FLT4: variants seen among roughly 807,000 people sequenced by gnomAD.
FLT4 encodes the protein vascular endothelial growth factor receptor 3.
FLT4 carries 30 observed loss-of-function variants against 163.2 expected under a neutral mutation model. That is an observed-to-expected ratio of 0.18 (90% CI 0.14 to 0.25). FLT4 has a LOEUF of 0.25. Ranked by LOEUF, FLT4 falls within the 10% of genes least tolerant of loss-of-function variation. FLT4 has a pLI of 1.00. For missense variants in FLT4, 1,510 were observed against 1,863.8 expected, an observed-to-expected ratio of 0.81 and a Z score of 3.50; for synonymous variants, 884 against 789.5, an observed-to-expected ratio of 1.12 and a Z score of -2.01.
intron 6 of FLT4, 74 bp downstream of exon 6, chr5:180,629,622 G>C (rs750615208): frequency 2.1e-4 from 329 of 1,542,370 alleles, no homozygotes; most frequent in Non-Finnish European, 2.7e-4. Flanking sequence ...TCCTCCACGC[G>C]GAGGCCCAGT....
chr5:180,603,694 G>A (rs1170928606), intron 29 of FLT4, among the ~76,000 whole-genome samples: 2 of 152,192 alleles, frequency 1.3e-5, no homozygotes, highest in Non-Finnish European at 2.9e-5. Context: ...CACGAGGTCA[G>A]GAGATCGAGA....
rs537523765 is a variant in FLT4, at chr5:180,636,371, G to A, written c.59-4593C>T. Among the ~76,000 whole-genome samples, 5 of 152,082 alleles carry A rather than the reference G, an allele frequency of 3.3e-5. No homozygotes were observed. Among genetic ancestry groups the A allele is most frequent in the African/African-American group, 4.8e-5 (2 of 41,404 alleles). On this transcript the variant is annotated intron_variant, in intron 1 of 29. Transcript: ENST00000261937. The surrounding 1 kb of genome is among the most constrained non-coding windows in gnomAD (Gnocchi z 4.3). ...TCTGGCCACGGCACTGGCCCTGGGC[G>A]GTTACTGCCCTCCACCCCACATGCC...
At position 180,628,964 on chromosome 5, in the gene FLT4, G is replaced by C. The variant is rs780574925; in HGVS notation, c.1021C>G (p.Pro341Ala). The change falls in exon 8 of 30, where the codon CCC (proline) becomes GCC (alanine). Residue 341 changes from proline (P) to alanine (A), a missense_variant. Pro to Ala is a conservative substitution (Grantham distance 27). This residue lies in a region of FLT4 where 878 missense variants were observed against 1,016.7 expected (regional missense o/e 0.86). Transcript: ENST00000261937. ...PFISVEWLKG[P>A]ILEATAGDEL... is the part of the protein sequence containing the mutation. ...TCTCCTGCCGTGGCCTCCAGGATGG[G>C]TCCTTTGAGCCACTCGACGCTGATG... 6.2e-7 allele frequency: 1 copy of C among 1,612,730 alleles called. No homozygotes were observed. The highest frequency in any genetic ancestry group is 1.7e-5 in the Admixed American group (1 of 60,016).
At chr5:180,631,383 G>A (rs1342239861) in intron 2 of FLT4, among the ~76,000 whole-genome samples, 1 of 152,124 alleles carries the variant, frequency 6.6e-6, no homozygotes, top group East Asian at 1.9e-4. Context: ...TGAGGCAGGA[G>A]AATGGCGTGA....
Position 180,603,314 on chromosome 5 carries a change from G to C in FLT4, c.3970C>G (p.Arg1324Gly), listed in dbSNP as rs777755208. The C allele has an allele frequency of 6.2e-7, 1 of 1,613,792 alleles. No individual in the cohort carries two copies. The highest frequency in any genetic ancestry group is 1.7e-5 in the Admixed American group (1 of 59,988). The change falls in exon 30 of 30, where the codon CGG (arginine) becomes GGG (glycine). Residue 1324 changes from arginine (R) to glycine (G), a missense_variant. Coordinates refer to ENST00000261937, the MANE Select transcript of FLT4 (RefSeq NM_182925.5). ...DSQGRRRRPE[R>G]GARGGQVFYN... Reference sequence around the variant, plus strand: ...AACACCTGGCCTCCTCGGGCCCCCCGCTCAGGCCGCCGCCGCCTCCCTTGG... The same window carrying C: ...AACACCTGGCCTCCTCGGGCCCCCCCCTCAGGCCGCCGCCGCCTCCCTTGG...
rs1233584876 is a variant in FLT4, at chr5:180,623,196, G to T, written c.1549-357C>A. Among the ~76,000 whole-genome samples the T allele has an allele frequency of 2.0e-5, 3 of 152,160 alleles. No homozygotes were observed. Among genetic ancestry groups the T allele is most frequent in the African/African-American group, 7.2e-5 (3 of 41,442 alleles). ...CAAGCCAGGGTGAGAATTCAGCCTG[G>T]GTCACAGCAAAAGCCAGTCACTTCT... On this transcript the variant is annotated intron_variant, in intron 11 of 29. Transcript: ENST00000261937. The surrounding 1 kb of genome is among the most constrained non-coding windows in gnomAD (Gnocchi z 5.8).
Position 180,621,686 on chromosome 5 carries a change from C to T in FLT4, c.1876G>A (p.Glu626Lys). The change falls in exon 13 of 30, where the codon GAG becomes AAG. Residue 626 changes from glutamate to lysine, a missense_variant. This residue lies in a region of FLT4 where 878 missense variants were observed against 1,016.7 expected (regional missense o/e 0.86). Coordinates refer to ENST00000261937, the MANE Select transcript of FLT4 (RefSeq NM_182925.5). ...FATPLAASLEEVAPGARHATL... is the reference protein window; with the variant it reads ...FATPLAASLEKVAPGARHATL... Reference sequence around the variant, plus strand: ...GCGTGGCGCGCCCCAGGTGCCACCTCCTCCAGGCTGGCGGCCAGAGGGGTG... The same window carrying T: ...GCGTGGCGCGCCCCAGGTGCCACCTTCTCCAGGCTGGCGGCCAGAGGGGTG... 1 of 1,612,284 alleles carries T rather than the reference C, an allele frequency of 6.2e-7. No individual in the cohort carries two copies. The highest frequency in any genetic ancestry group is 1.1e-5 in the South Asian group (1 of 91,046).
rs376733902 is a variant in FLT4 at position 180,630,568 on chromosome 5, G to A, written c.387C>T (p.Tyr129=). Residue 129 remains tyrosine, a synonymous_variant, in exon 3 of 30, where the codon TAC becomes TAT. Transcript: ENST00000261937. This position sits in a 1 kb window ranked among gnomAD's most constrained non-coding sequence, Gnocchi z 6.3. ...TCCAAGTCTCACCTCTCACGAACAC[G>A]TAGGAGCTGGCGGCCGTGGTGCCCT... is the stretch of plus-strand genomic sequence containing the variant. ...RIEGTTAASS[Y]VFVRDFEQPF... 75 of 1,613,022 alleles carry A rather than the reference G, an allele frequency of 4.6e-5. No individual in the cohort carries two copies. In the South Asian group the frequency reaches 5.5e-4, roughly 12 times the overall value.
At chr5:180,648,595 A>C (rs1581724062) in intron 1 of FLT4, among the ~76,000 whole-genome samples, 1 of 150,416 alleles carries the variant, frequency 6.6e-6, no homozygotes, top group Non-Finnish European at 1.5e-5. Flanking sequence ...CTCCGTGGGG[A>C]CTCCCAGCTC....
chr5:180,611,734 G>C (rs544751242), intron 26 of FLT4: 64 of 577,326 alleles, frequency 1.1e-4, no homozygotes, highest in African/African-American at 1.1e-3. Context: ...CAGAGGAAAC[G>C]AGCTCATGCC....
intron 25 of FLT4, 65 bp from the exon 26 acceptor site, chr5:180,612,676 C>G: frequency 8.1e-7 from 1 of 1,235,456 alleles, no homozygotes; most frequent in Middle Eastern, 1.9e-4. Context: ...CTTCAGTGCC[C>G]CAGCCTTCCT....
intron 1 of FLT4, among the ~76,000 whole-genome samples, chr5:180,645,911 C>G (rs1299074889): frequency 6.6e-6 from 1 of 152,164 alleles, no homozygotes. Flanking sequence ...CTCTCCCTGC[C>G]CACCCCCAAC....
At chr5:180,629,650 A>G (rs1198306753) in intron 6 of FLT4, 46 bp downstream of exon 6, 4 of 1,596,256 alleles carry the variant, frequency 2.5e-6, no homozygotes, top group Non-Finnish European at 3.4e-6. Context: ...GTACAGTCAC[A>G]GGGACTCCTG....
rs1761596506 is a variant in FLT4 at position 180,603,086 on chromosome 5, G to T, written c.*106C>A. The T allele has an allele frequency of 2.7e-6, 3 of 1,094,530 alleles. No homozygotes were observed. Among genetic ancestry groups the T allele is most frequent in the Non-Finnish European group, 2.8e-6 (2 of 726,582 alleles). 67.8% of individuals were successfully genotyped at this position (1,094,530 alleles called of 1,614,324 possible). ...TGCAGAGAGGGAAGAGGACACTCCT[G>T]TGCCACCAGAGTTCAACCAGATGAG... is the stretch of plus-strand genomic sequence containing the variant. On this transcript the variant is annotated 3_prime_UTR_variant, in exon 30 of 30. Coordinates refer to ENST00000261937, the MANE Select transcript of FLT4 (RefSeq NM_182925.5).
chr5:180,605,584 G>A (rs1761741180), intron 29 of FLT4, among the ~76,000 whole-genome samples: 1 of 152,168 alleles, frequency 6.6e-6, no homozygotes, highest in South Asian at 2.1e-4. Flanking sequence ...CTGTGGATGG[G>A]ACTAGGGATT....
At position 180,618,873 on chromosome 5, in the gene FLT4, G is replaced by A; in HGVS notation, c.2898C>T (p.Leu966=). ...QRGRFRAMVE[L]ARLDRRRPGS... is the part of the protein sequence containing the mutation. ...CCGGCCGCCTCCGATCCAGCCTGGCGAGCTCCACCATGGCGCGGAAGCGTC... is the reference window on the plus strand; with the variant it reads ...CCGGCCGCCTCCGATCCAGCCTGGCAAGCTCCACCATGGCGCGGAAGCGTC... The change falls in exon 21 of 30, where the codon CTC becomes CTT. Residue 966 remains leucine (L), a synonymous_variant. Coordinates refer to ENST00000261937, the MANE Select transcript of FLT4 (RefSeq NM_182925.5). 8.2e-6 allele frequency: 13 copies of A among 1,587,392 alleles called. No individual in the cohort carries two copies. The highest frequency in any genetic ancestry group is 1.0e-5 in the Non-Finnish European group (12 of 1,167,618).
chr5:180,620,302 G>A lies in FLT4; in HGVS notation c.2413C>T (p.His805Tyr). ...LIFCNMRRPA[H>Y]ADIKTGYLSI... ...AGGTAGCCCGTCTTGATGTCTGCGT[G>A]GGCCGGCTGCGGGGAGGGGACAGGG... The change falls in exon 17 of 30, where the codon CAC becomes TAC. Residue 805 changes from histidine (H) to tyrosine (Y), a missense_variant. His to Tyr is a moderately conservative substitution (Grantham distance 83). This residue lies in a region of FLT4 where 878 missense variants were observed against 1,016.7 expected (regional missense o/e 0.86). Transcript: ENST00000261937. This position sits in a 1 kb window ranked among gnomAD's most constrained non-coding sequence, Gnocchi z 4.4. 1 of 1,611,572 alleles carries A rather than the reference G, an allele frequency of 6.2e-7. No individual in the cohort carries two copies. The highest frequency in any genetic ancestry group is 1.7e-5 in the Admixed American group (1 of 60,032).
Position 180,623,288 on chromosome 5 carries a change from G to C in FLT4, c.1549-449C>G, listed in dbSNP as rs1255141204. Among the ~76,000 whole-genome samples the C allele has an allele frequency of 6.6e-6, 1 of 152,152 alleles. No individual in the cohort carries two copies. The highest frequency in any genetic ancestry group is 1.5e-5 in the Non-Finnish European group (1 of 68,032). ...CTCGTGAGATGGCCTCCTCAGCCCAGAACTGTCCTCAGCAGCAATCCCGAG... is the reference window on the plus strand; with the variant it reads ...CTCGTGAGATGGCCTCCTCAGCCCACAACTGTCCTCAGCAGCAATCCCGAG... On this transcript the variant is annotated intron_variant, in intron 11 of 29. Transcript: ENST00000261937. This position sits in a 1 kb window ranked among gnomAD's most constrained non-coding sequence, Gnocchi z 5.8.
chr5:180,649,215 G>A (rs1765629665), intron 1 of FLT4, among the ~76,000 whole-genome samples: 1 of 151,884 alleles, frequency 6.6e-6, no homozygotes, highest in Admixed American at 6.6e-5. Flanking sequence ...GCCACCGACG[G>A]AGACGCGGAT....
Sources: allele counts gnomAD v4.1 joint callset (sites outside exome capture counted in the v4.1 genomes callset), GRCh38; gene constraint gnomAD v4.1.1; regional missense constraint gnomAD v4.1.1; non-coding constraint Gnocchi (gnomAD v3.1); transcripts MANE v1.5; gene names NCBI Gene and HGNC (gene_info 2026-07-23, HGNC 2026-07-21).